ANK3: variants seen among roughly 807,000 people sequenced by gnomAD.
ANK3 encodes ankyrin 3.
Under a neutral mutation model 370.9 loss-of-function variants are expected in ANK3, and 57 were observed. The ratio of observed to expected loss-of-function variants is 0.15; its 90% CI spans 0.12 to 0.19. ANK3 has a LOEUF of 0.19. Ranked by LOEUF, ANK3 falls within the 10% of genes least tolerant of loss-of-function variation. The probability of loss-of-function intolerance (pLI) is 1.00; values close to 1 mark genes in which losing one functional copy is unlikely to be tolerated. For missense variants in ANK3, 4,439 were observed against 5,302.1 expected (o/e 0.84, Z 5.06); for synonymous variants, 1,929 against 1,946.3 (o/e 0.99, Z 0.23).
intron 2 of ANK3, among the ~76,000 whole-genome samples, chr10:60,396,657 A>G (rs991957373): frequency 6.6e-6 from 1 of 152,214 alleles, no homozygotes; most frequent in Non-Finnish European, 1.5e-5. Context: ...GTAACATTCT[A>G]TGAAATGATT....
At chr10:60,201,550 A>G (rs1032558788) in intron 12 of ANK3, among the ~76,000 whole-genome samples, 2 of 152,220 alleles carry the variant, frequency 1.3e-5, no homozygotes, top group African/African-American at 4.8e-5. Flanking sequence ...CCACTCTGAT[A>G]GCTACTCTGA....
At chr10:60,230,307 C>T (rs1301063187) in intron 8 of ANK3, among the ~76,000 whole-genome samples, 2 of 152,122 alleles carry the variant, frequency 1.3e-5, no homozygotes, top group Non-Finnish European at 2.9e-5. Context: ...GAAATAGGGG[C>T]CATTCTCAGC....
intron 25 of ANK3, among the ~76,000 whole-genome samples, chr10:60,132,801 G>C (rs576507892): frequency 9.5e-6 from 1 of 105,250 alleles, no homozygotes; most frequent in South Asian, 3.0e-4. Flanking sequence ...ATTTTTAGTA[G>C]AGACGGGGTT....
At chr10:60,163,026 C>A (rs994776399) in intron 23 of ANK3, among the ~76,000 whole-genome samples, 1 of 152,034 alleles carries the variant, frequency 6.6e-6, no homozygotes, top group Non-Finnish European at 1.5e-5. Flanking sequence ...ATGTAAAATC[C>A]CTTGGGAGGA....
intron 1 of ANK3, among the ~76,000 whole-genome samples, chr10:60,708,198 C>G (rs901410248): frequency 6.6e-6 from 1 of 152,190 alleles, no homozygotes; most frequent in African/African-American, 2.4e-5. Context: ...TTCCAGTAAT[C>G]CACCAGAGTT....
At position 60,056,404 on chromosome 10, in the gene ANK3, G is replaced by A. The variant is rs887425823; in HGVS notation, c.12687-368C>T. 2.6e-5 allele frequency among the ~76,000 whole-genome samples: 4 copies of A among 152,162 alleles called. No individual in the cohort carries two copies. In the East Asian group the frequency reaches 7.7e-4, roughly 29 times the overall value. ...GGATTGCTTGAACCCGGGAGGTGGA[G>A]GTTGCAGTGAGCTGAGATTGTGCCA... On this transcript the variant is annotated intron_variant, in intron 41 of 43. Coordinates refer to ENST00000280772, the MANE Select transcript of ANK3 (RefSeq NM_020987.5).
intron 1 of ANK3, among the ~76,000 whole-genome samples, chr10:60,305,755 A>G (rs2044890909): frequency 6.6e-6 from 1 of 152,130 alleles, no homozygotes; most frequent in Non-Finnish European, 1.5e-5. Flanking sequence ...TTGTTTCTCA[A>G]ACTACTGTCA....
At chr10:60,293,534 G>A (rs964666295) in intron 1 of ANK3, among the ~76,000 whole-genome samples, 2 of 152,112 alleles carry the variant, frequency 1.3e-5, no homozygotes, top group Non-Finnish European at 2.9e-5. Flanking sequence ...GGTGTGATTT[G>A]CTTAACTAGC....
chr10:60,665,492 G>A (rs1395457759), intron 1 of ANK3, among the ~76,000 whole-genome samples: 2 of 152,134 alleles, frequency 1.3e-5, no homozygotes, highest in Non-Finnish European at 2.9e-5. Flanking sequence ...CAAATCCTTT[G>A]ACACATAAAT....
chr10:60,323,583 T>C (rs1028915602), intron 1 of ANK3, among the ~76,000 whole-genome samples: 5 of 152,150 alleles, frequency 3.3e-5, no homozygotes, highest in African/African-American at 1.2e-4. Flanking sequence ...ATGTCTCCAA[T>C]GGAAATATAA....
intron 1 of ANK3, among the ~76,000 whole-genome samples, chr10:60,293,454 T>A (rs1230021324): frequency 6.6e-6 from 1 of 152,202 alleles, no homozygotes; most frequent in Non-Finnish European, 1.5e-5. Flanking sequence ...TATACACATC[T>A]TATATTTTGG....
At chr10:60,497,971 CAGTT>C (rs1567094022) in intron 2 of ANK3, among the ~76,000 whole-genome samples, 1 of 152,158 alleles carries the variant, frequency 6.6e-6, no homozygotes, top group Non-Finnish European at 1.5e-5. Flanking sequence ...GTTTTATCTG[CAGTT>C]ATGTTTACCT....
intron 2 of ANK3, among the ~76,000 whole-genome samples, chr10:60,549,609 C>T (rs2077045518): frequency 6.6e-6 from 1 of 152,084 alleles, no homozygotes; most frequent in Non-Finnish European, 1.5e-5. Context: ...AAACATGAAT[C>T]TGCCCAGAAT....
chr10:60,133,214 A>G (rs2094182337), intron 25 of ANK3, among the ~76,000 whole-genome samples: 1 of 152,224 alleles, frequency 6.6e-6, no homozygotes, highest in African/African-American at 2.4e-5. Context: ...AAAGCCCAGC[A>G]TGATTTCACC....
chr10:60,573,259 C>A lies in ANK3; in HGVS notation c.96+41927G>T, dbSNP rs1003052588. Reference sequence around the variant, plus strand: ...TTTAATGTGACATGCAAAAAAGATGCCAATCTTCACCTAAGGATTTCTAAT... The same window carrying A: ...TTTAATGTGACATGCAAAAAAGATGACAATCTTCACCTAAGGATTTCTAAT... On this transcript the variant is annotated intron_variant, in intron 2 of 43. Transcript: ENST00000373827. 3.3e-5 allele frequency among the ~76,000 whole-genome samples: 5 copies of A among 151,896 alleles called. No homozygotes were observed. In the East Asian group the frequency reaches 7.7e-4, roughly 23 times the overall value.
At chr10:60,469,284 T>TATATATATATATACCACTTTTA (rs1416326565) in intron 2 of ANK3, among the ~76,000 whole-genome samples, 3 of 92 alleles carry the variant, frequency 0.033, 1 homozygote, top group Non-Finnish European at 0.058. Context: ...ATTTTTAGTG[T>TATATATATATATACCACTTTTA]GTGTATATAT....
chr10:60,177,626 C>G (rs1426208579), intron 18 of ANK3, among the ~76,000 whole-genome samples: 4 of 104,644 alleles, frequency 3.8e-5, no homozygotes, highest in Admixed American at 1.4e-4. Flanking sequence ...GAGATGGAGT[C>G]TCGCTCTGTC....
intron 2 of ANK3, chr10:60,572,974 G>A: frequency 1.0e-6 from 1 of 988,210 alleles, no homozygotes; most frequent in Non-Finnish European, 1.2e-6. Context: ...AGTCTCCGAA[G>A]CCTTCCCAGG....
At chr10:60,171,572 G>T (rs1166133646) in intron 21 of ANK3, among the ~76,000 whole-genome samples, 1 of 152,186 alleles carries the variant, frequency 6.6e-6, no homozygotes, top group Non-Finnish European at 1.5e-5. Context: ...GAGTCATGGA[G>T]TCAGGAATAA....
Sources: allele counts gnomAD v4.1 joint callset (sites outside exome capture counted in the v4.1 genomes callset), GRCh38; gene constraint gnomAD v4.1.1; transcripts MANE v1.5; gene names NCBI Gene and HGNC (gene_info 2026-07-23, HGNC 2026-07-21).